Variants in WDFY1 observed in about 807,000 individuals in gnomAD.
The protein encoded by WDFY1 is WD repeat and FYVE domain containing 1.
WDFY1 carries 32 observed loss-of-function variants against 56.4 expected under a neutral mutation model. That is an observed-to-expected ratio of 0.57 (90% CI 0.43 to 0.76). The LOEUF (loss-of-function observed/expected upper bound fraction) is 0.76, where lower values mean the gene tolerates loss of function less well. WDFY1 is among the 30% of genes least tolerant of loss of function. WDFY1 has a pLI of 0.00. For missense variants in WDFY1, 480 were observed against 545.7 expected, an observed-to-expected ratio of 0.88 and a Z score of 1.20; for synonymous variants, 192 against 197.3, an observed-to-expected ratio of 0.97 and a Z score of 0.23.
intron 1 of WDFY1, among the ~76,000 whole-genome samples, chr2:223,938,577 T>C (rs1182879787): frequency 1.3e-5 from 2 of 152,224 alleles, no homozygotes; most frequent in Admixed American, 1.3e-4. Context: ...CAAGAAGTAG[T>C]ACCATTTTCT....
intron 9 of WDFY1, 29 bp downstream of exon 9, chr2:223,884,619 C>T (rs775534557): frequency 7.5e-6 from 12 of 1,604,096 alleles, no homozygotes; most frequent in Non-Finnish European, 9.4e-6. Context: ...CACAATCAAG[C>T]CAGAGATGAC....
At chr2:223,904,542 C>T (rs1046643177) in intron 4 of WDFY1, among the ~76,000 whole-genome samples, 5 of 152,116 alleles carry the variant, frequency 3.3e-5, no homozygotes, top group Admixed American at 6.5e-5. Flanking sequence ...GGTGAGTCAC[C>T]GTGCCTGGAT....
chr2:223,897,365 TA>T (rs1179877968), intron 6 of WDFY1, among the ~76,000 whole-genome samples: 1 of 28,362 alleles, frequency 3.5e-5, no homozygotes, highest in Non-Finnish European at 8.6e-5. Context: ...TATATATATA[TA>T]TATATATATA....
intron 1 of WDFY1, among the ~76,000 whole-genome samples, chr2:223,937,244 T>A (rs1446128327): frequency 2.6e-5 from 4 of 152,102 alleles, no homozygotes; most frequent in African/African-American, 7.2e-5. Flanking sequence ...ACAGGAAAAA[T>A]TTTTTTATTT....
chr2:223,935,143 C>G (rs1242058756), intron 1 of WDFY1, among the ~76,000 whole-genome samples: 1 of 152,050 alleles, frequency 6.6e-6, no homozygotes, highest in Non-Finnish European at 1.5e-5. Flanking sequence ...CCAAAAATGC[C>G]CCCATCAATA....
At chr2:223,944,205 A>G (rs916934149) in intron 1 of WDFY1, among the ~76,000 whole-genome samples, 2 of 152,144 alleles carry the variant, frequency 1.3e-5, no homozygotes, top group African/African-American at 4.8e-5. Flanking sequence ...GGAGGAAGAG[A>G]GCGAAGGCGG....
chr2:223,934,385 C>T (rs1317139582), intron 1 of WDFY1, among the ~76,000 whole-genome samples: 1 of 152,108 alleles, frequency 6.6e-6, no homozygotes, highest in East Asian at 1.9e-4. Context: ...GCCACCACAC[C>T]CAGACAGTGG....
chr2:223,927,927 G>C (rs571259962), intron 1 of WDFY1, among the ~76,000 whole-genome samples: 206 of 152,240 alleles, frequency 1.4e-3, no homozygotes, highest in African/African-American at 4.6e-3. Context: ...TGGGGGGAAA[G>C]GGGGAAAGGA....
chr2:223,924,206 T>C (rs73994441), intron 1 of WDFY1, among the ~76,000 whole-genome samples: 1,619 of 152,346 alleles, frequency 0.011, 35 homozygotes, highest in African/African-American at 0.036. Context: ...CATGCTACCA[T>C]TCCTGTGGAG....
At chr2:223,944,268 A>C (rs777448079) in intron 1 of WDFY1, among the ~76,000 whole-genome samples, 1 of 152,252 alleles carries the variant, frequency 6.6e-6, no homozygotes, top group Non-Finnish European at 1.5e-5. Flanking sequence ...CGCAGTGACC[A>C]GCCGCCGGTC....
At chr2:223,914,798 G>A (rs899046851) in intron 2 of WDFY1, among the ~76,000 whole-genome samples, 2 of 152,134 alleles carry the variant, frequency 1.3e-5, no homozygotes, top group African/African-American at 4.8e-5. Flanking sequence ...CCAAAAAAAG[G>A]CATGAAGTAC....
rs936507215 is a variant in WDFY1, at chr2:223,876,376, T to C, written c.*2295A>G. On this transcript the variant is annotated 3_prime_UTR_variant, in exon 12 of 12. Coordinates refer to ENST00000233055, the MANE Select transcript of WDFY1 (RefSeq NM_020830.5). The stretch of plus-strand genomic sequence containing the variant: ...TTTCTTCTGTGCCTACTCAGTAAAA[T>C]TGAGAAAATAATTTTTGCCCACTTC... 10 of 152,526 alleles carry C rather than the reference T, an allele frequency of 6.6e-5. No individual in the cohort carries two copies. Among genetic ancestry groups the C allele is most frequent in the African/African-American group, 1.9e-4 (8 of 41,430 alleles). 9.4% of individuals were successfully genotyped at this position (152,526 alleles called of 1,614,324 possible).
chr2:223,916,469 C>G (rs1390564981), intron 2 of WDFY1, among the ~76,000 whole-genome samples: 1 of 152,222 alleles, frequency 6.6e-6, no homozygotes, highest in Non-Finnish European at 1.5e-5. Flanking sequence ...CTTTGGAAAA[C>G]TTGATAATGG....
chr2:223,912,045 G>A (rs642170), intron 3 of WDFY1, among the ~76,000 whole-genome samples: 131,292 of 151,896 alleles, frequency 0.86, 57,220 homozygotes, highest in Non-Finnish European at 0.93. Context: ...AAACTCCTGG[G>A]CTCAAGCGAT....
chr2:223,941,016 T>C (rs1452496207), intron 1 of WDFY1, among the ~76,000 whole-genome samples: 1 of 152,210 alleles, frequency 6.6e-6, no homozygotes, highest in African/African-American at 2.4e-5. Context: ...GAGATGGGGT[T>C]TCTCCATGTT....
At chr2:223,896,407 T>A (rs1559165680) in intron 6 of WDFY1, among the ~76,000 whole-genome samples, 2 of 152,134 alleles carry the variant, frequency 1.3e-5, no homozygotes, top group South Asian at 4.1e-4. Context: ...GATGTCTATG[T>A]TTAAGCAAAT....
chr2:223,926,158 T>C (rs1008742984), intron 1 of WDFY1, among the ~76,000 whole-genome samples: 18 of 152,156 alleles, frequency 1.2e-4, no homozygotes, highest in African/African-American at 4.3e-4. Context: ...TAAAAAAATT[T>C]TCTTTTGAGA....
intron 3 of WDFY1, 80 bp from the exon 4 acceptor site, chr2:223,906,081 A>G: frequency 8.8e-7 from 1 of 1,135,248 alleles, no homozygotes; most frequent in Non-Finnish European, 1.2e-6. Flanking sequence ...TCAAAAATGA[A>G]GTAAAATCCA....
At chr2:223,911,313 T>A (rs1188920841) in intron 3 of WDFY1, among the ~76,000 whole-genome samples, 1 of 151,866 alleles carries the variant, frequency 6.6e-6, no homozygotes, top group Non-Finnish European at 1.5e-5. Context: ...ATTCTGGAAT[T>A]AGAGAATGGT....
Sources: gnomAD v4.1 joint callset for allele counts (sites outside exome capture counted in the v4.1 genomes callset) on GRCh38, gnomAD v4.1.1 for gene constraint, MANE v1.5 for transcripts, NCBI Gene and HGNC (gene_info 2026-07-23, HGNC 2026-07-21) for gene names.